The following PTPRE variants were observed in gnomAD, a reference collection of about 807,000 sequenced individuals.
PTPRE encodes protein tyrosine phosphatase receptor type E.
PTPRE carries 51 observed loss-of-function variants against 102.0 expected under a neutral mutation model. That is an observed-to-expected ratio of 0.50 (90% CI 0.40 to 0.63). PTPRE has a LOEUF of 0.63. Ranked by LOEUF, PTPRE falls within the 30% of genes least tolerant of loss-of-function variation. The pLI, the probability that PTPRE is intolerant of heterozygous loss-of-function variation, is 0.00. For synonymous variants in PTPRE, 345 were observed against 348.2 expected (o/e 0.99, Z 0.10); for missense variants, 752 against 915.1 (o/e 0.82, Z 2.30).
intron 3 of PTPRE, among the ~76,000 whole-genome samples, chr10:128,043,321 C>G (rs911157825): frequency 1.3e-5 from 2 of 152,224 alleles, no homozygotes; most frequent in Admixed American, 6.5e-5. Flanking sequence ...GAGACAGTGA[C>G]AGATCACCAG....
intron 9 of PTPRE, among the ~76,000 whole-genome samples, chr10:128,062,158 T>C (rs1019531365): frequency 1.8e-4 from 28 of 152,184 alleles, no homozygotes; most frequent in African/African-American, 6.8e-4. Context: ...CCAGCATCAC[T>C]CCGTTCCACC....
At chr10:128,082,809 T>G (rs780552315) in intron 20 of PTPRE, 23 bp from the exon 21 acceptor site, 6 of 1,542,852 alleles carry the variant, frequency 3.9e-6, no homozygotes, top group Non-Finnish European at 5.2e-6. Flanking sequence ...ATCATTTTAA[T>G]GTGTCCTTGT....
chr10:127,973,502 T>C (rs1020350240), intron 1 of PTPRE, among the ~76,000 whole-genome samples: 9 of 152,156 alleles, frequency 5.9e-5, no homozygotes, highest in Admixed American at 2.0e-4. Flanking sequence ...TGTTGTGGGG[T>C]GGAGGATCAT....
intron 20 of PTPRE, among the ~76,000 whole-genome samples, chr10:128,082,189 C>CTT (rs1408812490): frequency 7.1e-4 from 45 of 63,492 alleles, no homozygotes; most frequent in African/African-American, 3.8e-3. Flanking sequence ...TGATTTTTTT[C>CTT]TCTTTCTTTT....
intron 1 of PTPRE, among the ~76,000 whole-genome samples, chr10:127,920,123 G>C (rs1220262889): frequency 6.6e-6 from 1 of 152,160 alleles, no homozygotes; most frequent in Non-Finnish European, 1.5e-5. Context: ...TGTTGGGTGG[G>C]AGTTACTCAA....
intron 20 of PTPRE, 89 bp downstream of exon 20, chr10:128,079,784 C>A (rs1427972047): frequency 6.8e-6 from 10 of 1,459,922 alleles, no homozygotes; most frequent in Non-Finnish European, 9.3e-6. Context: ...ACCTTAAGTA[C>A]ATGGGGGAGG....
intron 1 of PTPRE, among the ~76,000 whole-genome samples, chr10:127,915,486 T>C (rs1846141748): frequency 6.6e-6 from 1 of 152,214 alleles, no homozygotes; most frequent in African/African-American, 2.4e-5. Context: ...GCTTCAGTAA[T>C]TCAATAAATT....
intron 1 of PTPRE, among the ~76,000 whole-genome samples, chr10:127,972,476 G>A (rs922730133): frequency 2.0e-5 from 3 of 152,202 alleles, no homozygotes; most frequent in Non-Finnish European, 4.4e-5. Context: ...CCTCATAAAT[G>A]TGATTATTAG....
chr10:127,963,468 G>C (rs757061483), intron 1 of PTPRE, among the ~76,000 whole-genome samples: 3 of 152,218 alleles, frequency 2.0e-5, no homozygotes, highest in South Asian at 2.1e-4. Flanking sequence ...GGTGTCTTCA[G>C]AGCCCAACAC....
intron 18 of PTPRE, among the ~76,000 whole-genome samples, chr10:128,077,116 C>G (rs1851271158): frequency 6.6e-6 from 1 of 152,180 alleles, no homozygotes; most frequent in South Asian, 2.1e-4. Context: ...AGAATGAGAA[C>G]TCGGGGTCAG....
chr10:128,072,424 G>A (rs892280970), intron 16 of PTPRE: 8 of 468,696 alleles, frequency 1.7e-5, no homozygotes, highest in Non-Finnish European at 2.3e-5. Context: ...AAGCTAAGGC[G>A]GGCAGATCAC....
chr10:128,047,367 G>A (rs1415612387), intron 3 of PTPRE, 23 bp from the exon 4 acceptor site: 2 of 1,610,964 alleles, frequency 1.2e-6, no homozygotes, highest in South Asian at 2.2e-5. Flanking sequence ...TCAGGGGTTA[G>A]GGTCTTTCTG....
intron 2 of PTPRE, among the ~76,000 whole-genome samples, chr10:127,985,386 C>G (rs1851999584): frequency 1.3e-5 from 2 of 152,196 alleles, no homozygotes. Context: ...AGTTCAAGAC[C>G]AGCCTGGCCA....
intron 3 of PTPRE, among the ~76,000 whole-genome samples, chr10:128,042,386 A>T (rs1176321823): frequency 6.6e-6 from 1 of 152,228 alleles, no homozygotes; most frequent in African/African-American, 2.4e-5. Flanking sequence ...TGAAAACAAA[A>T]TTATTGGGCT....
chr10:127,961,623 A>G (rs1005682694), intron 1 of PTPRE, among the ~76,000 whole-genome samples: 6 of 148,250 alleles, frequency 4.0e-5, no homozygotes, highest in African/African-American at 1.0e-4. Flanking sequence ...ACACCTGTGC[A>G]TAAGCGCTCC....
Position 128,066,161 on chromosome 10 carries a change from C to T in PTPRE, c.810C>T (p.Val270=), listed in dbSNP as rs992013855. ...GCGTGGAGGACTGCGTGGTTTTGGT[C>T]GACTACACCATCCGGAAGTTCTGCA... ...RVCVEDCVVL[V]DYTIRKFCIQ... The change falls in exon 11 of 21, where the codon GTC becomes GTT. Residue 270 remains valine (V), a synonymous_variant. Coordinates refer to ENST00000254667, the MANE Select transcript of PTPRE (RefSeq NM_006504.6). 2.5e-6 allele frequency: 4 copies of T among 1,614,176 alleles called. No individual in the cohort carries two copies. Among genetic ancestry groups the T allele is most frequent in the Admixed American group, 1.7e-5 (1 of 60,020 alleles).
At chr10:127,920,115 T>G (rs1022621079) in intron 1 of PTPRE, among the ~76,000 whole-genome samples, 3 of 152,112 alleles carry the variant, frequency 2.0e-5, no homozygotes, top group African/African-American at 7.2e-5. Flanking sequence ...TAGAATGATG[T>G]TGGGTGGGAG....
chr10:127,999,148 T>A (rs1853604005), intron 2 of PTPRE: 1 of 152,256 alleles, frequency 6.6e-6, no homozygotes, highest in Non-Finnish European at 1.5e-5. Flanking sequence ...AGCTCTGCTG[T>A]GCCACATCAT....
rs1041180326 is a variant in PTPRE, at chr10:128,083,794, C to G, written c.*888C>G. ...TGCCTGGAGGCTCAACACAAAACTTCCCATCCAAACATTCAGATGAACTGA... is the reference window on the plus strand; with the variant it reads ...TGCCTGGAGGCTCAACACAAAACTTGCCATCCAAACATTCAGATGAACTGA... On this transcript the variant is annotated 3_prime_UTR_variant, in exon 21 of 21. Transcript: ENST00000254667. The G allele has an allele frequency of 2.0e-5, 3 of 152,280 alleles. 1 individual carries two copies. The highest frequency in any genetic ancestry group is 1.3e-4 in the Admixed American group (2 of 15,286). The allele number at this position is 152,280 out of a possible 1,614,324, so 9.4% of individuals were successfully genotyped here. A position where few individuals can be genotyped will look rare whatever the true frequency, so the allele number is the denominator to read the frequency against.
Sources: allele counts gnomAD v4.1 joint callset (sites outside exome capture counted in the v4.1 genomes callset), GRCh38; gene constraint gnomAD v4.1.1; transcripts MANE v1.5; gene names NCBI Gene and HGNC (gene_info 2026-07-23, HGNC 2026-07-21).